The following CRB1 variants were observed in gnomAD, a reference collection of about 807,000 sequenced individuals.
CRB1 encodes the protein crumbs cell polarity complex component 1.
In CRB1, 83 loss-of-function variants were observed where a neutral mutation model predicts 120.0. That is an observed-to-expected ratio of 0.69 (90% CI 0.58 to 0.83). The LOEUF is 0.83. CRB1 is among the 40% of genes least tolerant of loss of function. The pLI, the probability that CRB1 is intolerant of heterozygous loss-of-function variation, is 0.00. For missense variants in CRB1, 1,699 were observed against 1,687.6 expected (o/e 1.01, Z -0.12); for synonymous variants, 625 against 612.5 (o/e 1.02, Z -0.30).
intron 5 of CRB1, among the ~76,000 whole-genome samples, chr1:197,408,933 GTA>G (rs1234037980): frequency 6.6e-6 from 1 of 152,232 alleles, no homozygotes; most frequent in African/African-American, 2.4e-5. Context: ...GAGCTTCAAA[GTA>G]TGACTTTTGA....
the CRB1 span, among the ~76,000 whole-genome samples, chr1:197,212,650 CTT>C: frequency 6.6e-6 from 1 of 152,060 alleles, no homozygotes; most frequent in African/African-American, 2.4e-5. Context: ...CACAAGAAAA[CTT>C]TTGTTCATTA....
At chr1:197,303,246 AG>A (rs1479372470) in intron 1 of CRB1, among the ~76,000 whole-genome samples, 2 of 148,990 alleles carry the variant, frequency 1.3e-5, no homozygotes, top group Non-Finnish European at 3.0e-5. Context: ...CTCGTCATTT[AG>A]CATTAGGTAT....
chr1:197,274,249 A>G (rs1325446267), intron 1 of CRB1, among the ~76,000 whole-genome samples: 1 of 152,044 alleles, frequency 6.6e-6, no homozygotes, highest in Non-Finnish European at 1.5e-5. Flanking sequence ...CTGTTAACCC[A>G]TACTCCTATG....
chr1:197,441,659 CTTTTTTTTTTT>C (rs5779872), intron 10 of CRB1: 11 of 68,198 alleles, frequency 1.6e-4, no homozygotes, highest in African/African-American at 5.8e-4. Flanking sequence ...TTCCCTCCTT[CTTTTTTTTTTT>C]TTTTTTTTTT....
At chr1:197,415,496 G>T (rs934225852) in intron 5 of CRB1, among the ~76,000 whole-genome samples, 2 of 151,972 alleles carry the variant, frequency 1.3e-5, no homozygotes, top group Admixed American at 6.6e-5. Flanking sequence ...TAGGTAAATT[G>T]TACATGCCAA....
chr1:197,383,012 C>T (rs1293634580), intron 5 of CRB1, among the ~76,000 whole-genome samples: 1 of 152,128 alleles, frequency 6.6e-6, no homozygotes, highest in Non-Finnish European at 1.5e-5. Flanking sequence ...GGTAACTACC[C>T]TCAAAAATCA....
At chr1:197,382,395 G>C (rs533819453) in intron 5 of CRB1, among the ~76,000 whole-genome samples, 8 of 152,092 alleles carry the variant, frequency 5.3e-5, no homozygotes, top group Non-Finnish European at 1.0e-4. Flanking sequence ...TGATAAACTA[G>C]TGATGAAGGA....
At chr1:197,346,546 C>A (rs566841774) in intron 3 of CRB1, among the ~76,000 whole-genome samples, 1 of 152,124 alleles carries the variant, frequency 6.6e-6, no homozygotes, top group Non-Finnish European at 1.5e-5. Context: ...ACAGCCATAG[C>A]GAAGAGGACT....
intron 11 of CRB1, among the ~76,000 whole-genome samples, chr1:197,472,514 A>T (rs1014261756): frequency 2.6e-5 from 4 of 152,138 alleles, no homozygotes. Context: ...TTTCCAAAAA[A>T]TCCTGCAATG....
intron 4 of CRB1, among the ~76,000 whole-genome samples, chr1:197,354,783 C>G (rs558700381): frequency 2.0e-3 from 262 of 127,874 alleles, no homozygotes; most frequent in African/African-American, 7.3e-3. Flanking sequence ...CTGCTGGCTC[C>G]AGCAGCCTGC....
At chr1:197,330,686 T>G (rs1658797629) in intron 2 of CRB1, among the ~76,000 whole-genome samples, 1 of 152,160 alleles carries the variant, frequency 6.6e-6, no homozygotes, top group Admixed American at 6.5e-5. Context: ...GAATAATAAT[T>G]CCACACTGCT....
At chr1:197,233,624 T>C in the CRB1 span, among the ~76,000 whole-genome samples, 333 of 152,360 alleles carry the variant, frequency 2.2e-3, 2 homozygotes, top group African/African-American at 7.8e-3. Flanking sequence ...CTTGCCCATT[T>C]ACATCGAGAT....
intron 1 of CRB1, among the ~76,000 whole-genome samples, chr1:197,276,787 T>C (rs1441671155): frequency 6.6e-6 from 1 of 151,876 alleles, no homozygotes; most frequent in Non-Finnish European, 1.5e-5. Context: ...GTCAGGGGTT[T>C]TACAATAAGT....
the CRB1 span, chr1:197,222,854 G>A: frequency 4.0e-6 from 6 of 1,513,798 alleles, no homozygotes; most frequent in East Asian, 4.5e-5. Flanking sequence ...ATTCACTGGA[G>A]CTGGCAGGTT....
intron 4 of CRB1, 112 bp from the exon 5 acceptor site, chr1:197,356,719 G>A (rs2125354005): frequency 1.6e-5 from 16 of 1,021,076 alleles, no homozygotes; most frequent in Non-Finnish European, 2.1e-5. Flanking sequence ...TTGAGGGCAG[G>A]CACATCAACT....
chr1:197,317,164 T>G (rs2125283107), intron 1 of CRB1, among the ~76,000 whole-genome samples: 1 of 152,284 alleles, frequency 6.6e-6, no homozygotes, highest in East Asian at 1.9e-4. Flanking sequence ...ACGCCTGTAA[T>G]CCCAGCACTT....
Position 197,344,309 on chromosome 1 carries a change from A to G in CRB1, c.681A>G (p.Glu227=). ...TAAACTGTGAATTGGAAATTGACGA[A>G]TGTTGGTCCCAGCCTTGTTTAAATG... The part of the protein sequence containing the change: ...SGVNCELEID[E]CWSQPCLNGA... Residue 227 remains glutamate, a synonymous_variant, in exon 3 of 12, where the codon GAA becomes GAG. Coordinates refer to ENST00000367400, the MANE Select transcript of CRB1 (RefSeq NM_201253.3). 1 of 1,614,152 alleles carries G rather than the reference A, an allele frequency of 6.2e-7. No individual in the cohort carries two copies. The highest frequency in any genetic ancestry group is 1.1e-5 in the South Asian group (1 of 91,078).
Position 197,427,939 on chromosome 1 carries a change from G to A in CRB1, c.2614G>A (p.Ala872Thr), listed in dbSNP as rs755733363. 1.2e-6 allele frequency: 2 copies of A among 1,613,974 alleles called. No individual in the cohort carries two copies. The highest frequency in any genetic ancestry group is 1.7e-5 in the Admixed American group (1 of 59,976). The change falls in exon 7 of 12, where the codon GCA becomes ACA. Residue 872 changes from alanine to threonine, a missense_variant. Physicochemically the swap from Ala to Thr is moderately conservative, Grantham distance 58. Transcript: ENST00000367400. The part of the protein sequence containing the change: ...LEFFPNPTNN[A>T]SLNPVLVNVT... ...ATTCTTTCCAAATCCAACAAACAAT[G>A]CATCTCTCAATCCAGTTCTTGTCAA...
chr1:197,202,803 T>C, the CRB1 span, among the ~76,000 whole-genome samples: 2 of 152,152 alleles, frequency 1.3e-5, no homozygotes, highest in African/African-American at 4.8e-5. Context: ...ACCCAACTCT[T>C]CAAAAAATTT....
Sources: gnomAD v4.1 joint callset for allele counts (sites outside exome capture counted in the v4.1 genomes callset) on GRCh38, gnomAD v4.1.1 for gene constraint, MANE v1.5 for transcripts, NCBI Gene and HGNC (gene_info 2026-07-23, HGNC 2026-07-21) for gene names.